The following RAPGEF4 variants were observed in gnomAD, a reference collection of about 807,000 sequenced individuals.
RAPGEF4 encodes Rap guanine nucleotide exchange factor 4, also known as RAP guanine-nucleotide-exchange factor (GEF) 4.
In RAPGEF4, 66 loss-of-function variants were observed where a neutral mutation model predicts 147.9. The observed-to-expected ratio is 0.45, with a 90% CI of 0.37 to 0.55. The LOEUF is 0.55. RAPGEF4 is among the 20% of genes least tolerant of loss of function. The probability of loss-of-function intolerance (pLI) is 0.00; values close to 1 mark genes in which losing one functional copy is unlikely to be tolerated. For synonymous variants in RAPGEF4, 419 were observed against 442.7 expected (o/e 0.95, Z 0.67); for missense variants, 1,071 against 1,257.3 (o/e 0.85, Z 2.24).
rs140138055 is a variant in RAPGEF4, at chr2:172,846,673, T to C, written c.444+32248T>C. Among the ~76,000 whole-genome samples, 71 of 152,338 alleles carry C rather than the reference T, an allele frequency of 4.7e-4. No homozygotes were observed. In the East Asian group the frequency reaches 0.01, roughly 22 times the overall value. On this transcript the variant is annotated intron_variant, in intron 4 of 30. Transcript: ENST00000397081. The stretch of plus-strand genomic sequence containing the variant: ...CCTCATGGTGAACCACGCTCTGTGC[T>C]AGACACTGGGAATATGGTCCTGCAT...
At chr2:172,815,397 CT>C (rs1283032669) in intron 4 of RAPGEF4, among the ~76,000 whole-genome samples, 1 of 152,166 alleles carries the variant, frequency 6.6e-6, no homozygotes, top group Non-Finnish European at 1.5e-5. Context: ...AAACCTGTTA[CT>C]TTTATTCTTG....
At chr2:172,786,980 C>G (rs1336820261) in intron 1 of RAPGEF4, among the ~76,000 whole-genome samples, 1 of 152,058 alleles carries the variant, frequency 6.6e-6, no homozygotes, top group African/African-American at 2.4e-5. Context: ...GAGGCCAAGG[C>G]GGGTGGATCA....
chr2:172,759,481 C>T (rs1696090419), intron 1 of RAPGEF4, among the ~76,000 whole-genome samples: 2 of 152,080 alleles, frequency 1.3e-5, no homozygotes, highest in Admixed American at 1.3e-4. Context: ...GGGAAAAGAA[C>T]AGAGAGTCAA....
intron 23 of RAPGEF4, 37 bp downstream of exon 23, chr2:173,020,752 T>G (rs1290345335): frequency 6.6e-7 from 1 of 1,526,710 alleles, no homozygotes; most frequent in South Asian, 1.2e-5. Context: ...AGCATTGCAA[T>G]CAGAAAAACT....
rs564434178 is a variant in RAPGEF4 at position 173,011,170 on chromosome 2, G to GCGCGCGCGCA, written c.1659-3293_1659-3292insGCGCGCGCAC. 6.4e-3 allele frequency among the ~76,000 whole-genome samples: 851 copies of GCGCGCGCGCA among 133,526 alleles called. 7 individuals carry two copies. Among genetic ancestry groups the GCGCGCGCGCA allele is most frequent in the African/African-American group, 0.022 (759 of 34,820 alleles). The allele number at this position is 133,526 out of a possible 152,430, so 87.6% of individuals were successfully genotyped here. A position where few individuals can be genotyped will look rare whatever the true frequency, so the allele number is the denominator to read the frequency against. On this transcript the variant is annotated intron_variant, in intron 17 of 30. Coordinates refer to ENST00000397081, the MANE Select transcript of RAPGEF4 (RefSeq NM_007023.4). ...AACCTTGGAACTTCAGCGCGCGCGC[G>GCGCGCGCGCA]CACACACACACACACACACACACAC...
At chr2:172,983,757 G>T (rs184589314) in intron 11 of RAPGEF4, among the ~76,000 whole-genome samples, 177 bp downstream of exon 11, 74 of 152,254 alleles carry the variant, frequency 4.9e-4, no homozygotes, top group Admixed American at 4.6e-3. Context: ...TCACTGAAAG[G>T]AATCAAATTT....
At chr2:172,764,494 T>A (rs185502050) in intron 1 of RAPGEF4, among the ~76,000 whole-genome samples, 5 of 152,302 alleles carry the variant, frequency 3.3e-5, no homozygotes, top group African/African-American at 1.2e-4. Context: ...GGAAATGTAG[T>A]CGAAGGAGTG....
intron 4 of RAPGEF4, among the ~76,000 whole-genome samples, chr2:172,888,450 T>C (rs1697501446): frequency 6.6e-6 from 1 of 152,214 alleles, no homozygotes; most frequent in Non-Finnish European, 1.5e-5. Flanking sequence ...ATTAGTAAGA[T>C]TGTTAATACT....
intron 15 of RAPGEF4, among the ~76,000 whole-genome samples, chr2:172,993,944 A>T (rs912830264): frequency 2.6e-5 from 4 of 152,222 alleles, no homozygotes; most frequent in Non-Finnish European, 5.9e-5. Context: ...GCCACTTTCT[A>T]GAGAGGTGAT....
intron 1 of RAPGEF4, among the ~76,000 whole-genome samples, chr2:172,776,169 C>T (rs2149498526): frequency 6.6e-6 from 1 of 152,268 alleles, no homozygotes; most frequent in South Asian, 2.1e-4. Flanking sequence ...TGGATAGAAT[C>T]TCAGAAAATT....
chr2:173,032,170 C>A (rs553383110), intron 26 of RAPGEF4, among the ~76,000 whole-genome samples: 2 of 152,324 alleles, frequency 1.3e-5, no homozygotes, highest in African/African-American at 4.8e-5. Flanking sequence ...CTGGTGACAT[C>A]TGGAGCAGAA....
At chr2:172,860,243 A>C in intron 4 of RAPGEF4, 1 of 985,470 alleles carries the variant, frequency 1.0e-6, no homozygotes, top group Non-Finnish European at 1.2e-6. Context: ...GATTTAAAAA[A>C]AACTAGAATG....
At chr2:173,019,453 TAAGTTAA>T (rs1466863900) in intron 22 of RAPGEF4, among the ~76,000 whole-genome samples, 1 of 152,148 alleles carries the variant, frequency 6.6e-6, no homozygotes, top group Non-Finnish European at 1.5e-5. Context: ...AGGTAGACGG[TAAGTTAA>T]AACAATTACA....
chr2:172,764,580 C>G (rs774377511), intron 1 of RAPGEF4, among the ~76,000 whole-genome samples: 3 of 152,142 alleles, frequency 2.0e-5, no homozygotes, highest in African/African-American at 2.4e-5. Flanking sequence ...AGCAGTGAGT[C>G]CAGATCCCCT....
chr2:172,913,584 G>C (rs1575216702), intron 4 of RAPGEF4, among the ~76,000 whole-genome samples: 1 of 152,308 alleles, frequency 6.6e-6, no homozygotes, highest in East Asian at 1.9e-4. Context: ...TCCAAGGCTG[G>C]AGTCAGCTGG....
Position 172,917,702 on chromosome 2 carries a change from G to A in RAPGEF4, c.445-100G>A, listed in dbSNP as rs372803507. ...GGCTCTATAAATACAAGGCTCAGATGCTTCCTGACACCCAGCATTTCTGCT... is the reference window on the plus strand; with the variant it reads ...GGCTCTATAAATACAAGGCTCAGATACTTCCTGACACCCAGCATTTCTGCT... On this transcript the variant is annotated intron_variant, in intron 4 of 30. Transcript: ENST00000397081. 3.2e-5 allele frequency: 32 copies of A among 999,762 alleles called. No homozygotes were observed. In the African/African-American group the frequency reaches 3.3e-4, roughly 10 times the overall value. 61.9% of individuals were successfully genotyped at this position (999,762 alleles called of 1,614,324 possible).
intron 4 of RAPGEF4, among the ~76,000 whole-genome samples, chr2:172,846,779 A>G (rs1307207000): frequency 1.3e-5 from 2 of 152,220 alleles, no homozygotes; most frequent in Non-Finnish European, 2.9e-5. Context: ...GGTGGGTCAC[A>G]GGAGCAGACA....
At chr2:173,049,112 A>C (rs1460624964) in intron 30 of RAPGEF4, among the ~76,000 whole-genome samples, 1 of 152,230 alleles carries the variant, frequency 6.6e-6, no homozygotes, top group African/African-American at 2.4e-5. Context: ...TAATGTTTAT[A>C]GCACATTCGT....
intron 30 of RAPGEF4, among the ~76,000 whole-genome samples, chr2:173,051,344 C>A (rs570742767): frequency 5.3e-5 from 8 of 151,984 alleles, no homozygotes; most frequent in Non-Finnish European, 5.9e-5. Context: ...TAATCTATAC[C>A]CAGGGGCTAT....
Sources: allele counts gnomAD v4.1 joint callset (sites outside exome capture counted in the v4.1 genomes callset), GRCh38; gene constraint gnomAD v4.1.1; transcripts MANE v1.5; gene names NCBI Gene and HGNC (gene_info 2026-07-23, HGNC 2026-07-21).